NECTIN1: variants seen among roughly 807,000 people sequenced by gnomAD.
The protein encoded by NECTIN1 is nectin-1.
In NECTIN1, 23 loss-of-function variants were observed where a neutral mutation model predicts 48.0. The observed-to-expected ratio is 0.48, with a 90% CI of 0.34 to 0.68. The LOEUF (loss-of-function observed/expected upper bound fraction) is 0.68, where lower values mean the gene tolerates loss of function less well. Ranked by LOEUF, NECTIN1 falls within the 30% of genes least tolerant of loss-of-function variation. The pLI is 0.01. For missense variants in NECTIN1, 591 were observed against 709.9 expected (o/e 0.83, Z 1.90); for synonymous variants, 270 against 288.9 (o/e 0.93, Z 0.66).
chr11:119,690,558 G>A (rs1173829137), intron 1 of NECTIN1, among the ~76,000 whole-genome samples: 1 of 152,182 alleles, frequency 6.6e-6, no homozygotes, highest in Non-Finnish European at 1.5e-5. Flanking sequence ...CCACCAAAGG[G>A]TCTCCAGCAG....
rs1864753403 is a variant in NECTIN1, at chr11:119,665,505, G to T, written c.1004-208C>A. Among the ~76,000 whole-genome samples the T allele has an allele frequency of 6.6e-6, 1 of 152,136 alleles. No individual in the cohort carries two copies. Among genetic ancestry groups the T allele is most frequent in the Non-Finnish European group, 1.5e-5 (1 of 68,028 alleles). ...GCGTTGGTAGCTGGAGTGAGAGACAGGCAAGAGGAGAGGCAGAGGGCAGTA... is the reference window on the plus strand; with the variant it reads ...GCGTTGGTAGCTGGAGTGAGAGACATGCAAGAGGAGAGGCAGAGGGCAGTA... On this transcript the variant is annotated intron_variant, in intron 5 of 5. Coordinates refer to ENST00000264025, the MANE Select transcript of NECTIN1 (RefSeq NM_002855.5). The surrounding 1 kb of genome is among the most constrained non-coding windows in gnomAD (Gnocchi z 5.1).
chr11:119,674,501 G>GT, intron 5 of NECTIN1: 1 of 1,611,084 alleles, frequency 6.2e-7, no homozygotes, highest in Non-Finnish European at 8.5e-7. Context: ...TACTGTCCCC[G>GT]TTTTACAGAT....
rs1000274656 is a variant in NECTIN1 at position 119,662,790 on chromosome 11, G to A, written c.*1957C>T. The A allele has an allele frequency of 4.1e-6, 4 of 986,278 alleles. No individual in the cohort carries two copies. The African/African-American group carries it at 7.0e-5, about 17-fold the overall frequency. The allele number at this position is 986,278 out of a possible 1,614,324, so 61.1% of individuals were successfully genotyped here. ...TCCACCTCCCTCTGCCCTGTGGCTG[G>A]AAAGACTCCACAATTTTCTCCCCTA... On this transcript the variant is annotated 3_prime_UTR_variant, in exon 6 of 6. Coordinates refer to ENST00000264025, the MANE Select transcript of NECTIN1 (RefSeq NM_002855.5). The surrounding 1 kb of genome is among the most constrained non-coding windows in gnomAD (Gnocchi z 5.3).
chr11:119,722,508 G>A (rs369561614), intron 1 of NECTIN1, among the ~76,000 whole-genome samples: 11 of 152,270 alleles, frequency 7.2e-5, no homozygotes, highest in African/African-American at 2.4e-4. Context: ...GCCACGGCTA[G>A]CCTCCAGATG....
At chr11:119,638,697 C>T in intron 7 of NECTIN1, 2 of 1,590,624 alleles carry the variant, frequency 1.3e-6, no homozygotes, top group Non-Finnish European at 1.7e-6. Flanking sequence ...TCCCCGCAGT[C>T]CAGGGACCTT....
At chr11:119,642,209 C>T (rs1864336854) in intron 5 of NECTIN1, 1 of 152,128 alleles carries the variant, frequency 6.6e-6, no homozygotes, top group Non-Finnish European at 1.5e-5. Context: ...TCTCACCTTC[C>T]ACTAGGGGGA....
intron 1 of NECTIN1, among the ~76,000 whole-genome samples, chr11:119,689,446 C>T (rs577814084): frequency 1.3e-5 from 2 of 152,240 alleles, no homozygotes; most frequent in Non-Finnish European, 2.9e-5. Flanking sequence ...GCCCCAGGCA[C>T]CTCCTGCTCC....
chr11:119,702,141 T>A (rs1865467094), intron 1 of NECTIN1, among the ~76,000 whole-genome samples: 2 of 152,186 alleles, frequency 1.3e-5, no homozygotes, highest in South Asian at 4.1e-4. Flanking sequence ...GGACAGTGTT[T>A]TTGATCTGTG....
Position 119,665,179 on chromosome 11 carries a change from G to A in NECTIN1, c.1122C>T (p.Ile374=). 6.2e-7 allele frequency: 1 copy of A among 1,610,048 alleles called. No homozygotes were observed. The highest frequency in any genetic ancestry group is 2.2e-5 in the East Asian group (1 of 44,850). ...GCCGGCGCCGACGCAGGGCGACCACGATCCCGCCGACCACAATCAACACCA... is the reference window on the plus strand; with the variant it reads ...GCCGGCGCCGACGCAGGGCGACCACAATCCCGCCGACCACAATCAACACCA... ...ILLVLIVVGG[I]VVALRRRRHT... is the part of the protein sequence containing the mutation. The change falls in exon 6 of 6, where the codon ATC becomes ATT. Residue 374 remains isoleucine (I), a synonymous_variant. Transcript: ENST00000264025. The surrounding 1 kb of genome is among the most constrained non-coding windows in gnomAD (Gnocchi z 5.1).
At chr11:119,648,242 T>G in intron 5 of NECTIN1, among the ~76,000 whole-genome samples, 2 of 105,248 alleles carry the variant, frequency 1.9e-5, no homozygotes, top group Non-Finnish European at 4.1e-5. Context: ...GTGGTGATAG[T>G]GGTGGTGATA....
intron 1 of NECTIN1, among the ~76,000 whole-genome samples, chr11:119,689,696 C>T (rs1424953192): frequency 6.6e-6 from 1 of 152,204 alleles, no homozygotes; most frequent in Non-Finnish European, 1.5e-5. Flanking sequence ...GTGGGGGCCA[C>T]TGGAGCAACA....
At chr11:119,694,595 C>T (rs1760951148) in intron 1 of NECTIN1, among the ~76,000 whole-genome samples, 1 of 152,188 alleles carries the variant, frequency 6.6e-6, no homozygotes, top group Admixed American at 6.5e-5. Context: ...AGCCGCCTGC[C>T]TTGGCCTGAA....
At chr11:119,705,394 T>A (rs1209153296) in intron 1 of NECTIN1, among the ~76,000 whole-genome samples, 2 of 152,064 alleles carry the variant, frequency 1.3e-5, no homozygotes, top group East Asian at 3.8e-4. Flanking sequence ...AGATAAAATG[T>A]GTGTAGGATT....
At chr11:119,648,277 A>ATGCTGGTGATGGTGGTGATGGTGATGG (rs1491186168) in intron 5 of NECTIN1, among the ~76,000 whole-genome samples, 1 of 25,014 alleles carries the variant, frequency 4.0e-5, no homozygotes, top group East Asian at 1.8e-3. Flanking sequence ...GGTGGTGGTG[A>ATGCTGGTGATGGTGGTGATGGTGATGG]TGGTGGTGGT....
chr11:119,653,376 C>G (rs1347764182), intron 5 of NECTIN1, among the ~76,000 whole-genome samples: 3 of 152,214 alleles, frequency 2.0e-5, no homozygotes, highest in African/African-American at 7.2e-5. Context: ...GAAGCCTTTG[C>G]TCCGGGGTGA....
intron 1 of NECTIN1, among the ~76,000 whole-genome samples, chr11:119,717,129 G>A (rs1196789948): frequency 1.3e-5 from 2 of 152,228 alleles, no homozygotes; most frequent in Non-Finnish European, 2.9e-5. Flanking sequence ...CTCTGCAGCA[G>A]CACTGAGAGG....
chr11:119,678,261 C>T lies in NECTIN1; in HGVS notation c.430+154G>A, dbSNP rs541092648. ...TAATCCCTAGTGAATTGTGGGGTGG[C>T]CTGGCTAGAAGGGACTGGAAGCCTC... On this transcript the variant is annotated intron_variant, in intron 2 of 5. Transcript: ENST00000264025. This position sits in a 1 kb window ranked among gnomAD's most constrained non-coding sequence, Gnocchi z 4.4. 2.0e-5 allele frequency among the ~76,000 whole-genome samples: 3 copies of T among 152,306 alleles called. No homozygotes were observed. The highest frequency in any genetic ancestry group is 4.1e-4 in the South Asian group (2 of 4,826).
At chr11:119,695,269 G>T (rs1448567225) in intron 1 of NECTIN1, among the ~76,000 whole-genome samples, 1 of 151,662 alleles carries the variant, frequency 6.6e-6, no homozygotes, top group Admixed American at 6.6e-5. Context: ...ATCTGTCCCT[G>T]CCCATATTCC....
rs1864665824 is a variant in NECTIN1, at chr11:119,661,573, G to T, written c.*3174C>A. On this transcript the variant is annotated 3_prime_UTR_variant, in exon 6 of 6. Coordinates refer to ENST00000264025, the MANE Select transcript of NECTIN1 (RefSeq NM_002855.5). ...AAGAGGGGACATCCGTGTCTGCTTG[G>T]CTCAGCAGAGCTGCCCACACCCACC... is the stretch of plus-strand genomic sequence containing the variant. The T allele has an allele frequency of 1.4e-5, 14 of 985,850 alleles. No individual in the cohort carries two copies. Among genetic ancestry groups the T allele is most frequent in the Non-Finnish European group, 1.6e-5 (13 of 829,948 alleles). The allele number at this position is 985,850 out of a possible 1,614,324, so 61.1% of individuals were successfully genotyped here. A position where few individuals can be genotyped will look rare whatever the true frequency, so the allele number is the denominator to read the frequency against.
Sources: allele counts gnomAD v4.1 joint callset (sites outside exome capture counted in the v4.1 genomes callset), GRCh38; gene constraint gnomAD v4.1.1; non-coding constraint Gnocchi (gnomAD v3.1); transcripts MANE v1.5; gene names NCBI Gene and HGNC (gene_info 2026-07-23, HGNC 2026-07-21).